PLEKHG1: variants seen among roughly 807,000 people sequenced by gnomAD.
PLEKHG1 encodes the protein pleckstrin homology domain-containing family G member 1.
A neutral mutation model predicts 100.8 loss-of-function variants in PLEKHG1; 44 were observed. The ratio of observed to expected loss-of-function variants is 0.44; its 90% CI spans 0.34 to 0.56. The LOEUF (loss-of-function observed/expected upper bound fraction) is 0.56, where lower values mean the gene tolerates loss of function less well. Among genes scored for constraint, PLEKHG1 ranks in the 20% least tolerant of loss-of-function variants. The pLI is 0.01. For synonymous variants in PLEKHG1, 640 were observed against 662.5 expected (o/e 0.97, Z 0.52); for missense variants, 1,545 against 1,720.9 (o/e 0.90, Z 1.81).
chr6:150,637,486 A>G (rs1031560967), intron 1 of PLEKHG1, among the ~76,000 whole-genome samples: 2 of 151,972 alleles, frequency 1.3e-5, no homozygotes, highest in Non-Finnish European at 2.9e-5. Context: ...TTTGATGTAT[A>G]ATATGCATAG....
intron 3 of PLEKHG1, among the ~76,000 whole-genome samples, chr6:150,651,629 T>C (rs796725738): frequency 6.6e-6 from 1 of 151,390 alleles, no homozygotes; most frequent in Non-Finnish European, 1.5e-5. Context: ...GAGGCCAAGG[T>C]GGGCAGATCA....
intron 1 of PLEKHG1, among the ~76,000 whole-genome samples, chr6:150,627,531 T>C (rs1488105367): frequency 6.6e-6 from 1 of 152,096 alleles, no homozygotes; most frequent in Admixed American, 6.5e-5. Flanking sequence ...AACACCAACA[T>C]CATTTTTGAG....
upstream of PLEKHG1, among the ~76,000 whole-genome samples, chr6:150,717,002 C>T (rs1781470595): frequency 6.6e-6 from 1 of 151,932 alleles, no homozygotes; most frequent in Non-Finnish European, 1.5e-5. Context: ...TGGACATACA[C>T]CACCCTGCCC....
At chr6:150,620,311 TGACAGC>T (rs1777245040) in intron 1 of PLEKHG1, among the ~76,000 whole-genome samples, 1 of 152,200 alleles carries the variant, frequency 6.6e-6, no homozygotes, top group Non-Finnish European at 1.5e-5. Flanking sequence ...CTGGGAGGCC[TGACAGC>T]GTTTCTCTCC....
chr6:150,833,752 T>A (rs1271609457), intron 15 of PLEKHG1, among the ~76,000 whole-genome samples: 1 of 152,182 alleles, frequency 6.6e-6, no homozygotes, highest in Admixed American at 6.5e-5. Context: ...TGCCCCAGAT[T>A]TTCTAACCAA....
intron 11 of PLEKHG1, among the ~76,000 whole-genome samples, chr6:150,819,210 G>A (rs1776159982): frequency 6.6e-6 from 1 of 150,406 alleles, no homozygotes; most frequent in South Asian, 2.1e-4. Context: ...AAAAAGCCCT[G>A]AGATACATAT....
chr6:150,771,207 G>T (rs1433198163), intron 3 of PLEKHG1, among the ~76,000 whole-genome samples: 1 of 152,184 alleles, frequency 6.6e-6, no homozygotes, highest in Non-Finnish European at 1.5e-5. Context: ...GAGGTCAGGA[G>T]TTCAAGACCA....
At chr6:150,661,965 G>T (rs542741603) in intron 3 of PLEKHG1, among the ~76,000 whole-genome samples, 1 of 152,254 alleles carries the variant, frequency 6.6e-6, no homozygotes, top group African/African-American at 2.4e-5. Context: ...AAACAATAAG[G>T]TAGAGGCCAG....
At chr6:150,643,558 T>C (rs968131199) in intron 2 of PLEKHG1, among the ~76,000 whole-genome samples, 2 of 152,148 alleles carry the variant, frequency 1.3e-5, no homozygotes, top group Non-Finnish European at 2.9e-5. Context: ...CTAGATTGGG[T>C]GGGGAGAACC....
At chr6:150,832,555 TAGG>T (rs1347098616) in intron 15 of PLEKHG1, among the ~76,000 whole-genome samples, 7 of 152,282 alleles carry the variant, frequency 4.6e-5, no homozygotes, top group Non-Finnish European at 8.8e-5. Context: ...AGTAATTTTT[TAGG>T]AGGAGGAGGA....
chr6:150,653,601 C>T (rs1778840140), intron 3 of PLEKHG1, among the ~76,000 whole-genome samples: 1 of 151,958 alleles, frequency 6.6e-6, no homozygotes, highest in Non-Finnish European at 1.5e-5. Context: ...AAATACAAAA[C>T]TCAGCTGGAC....
intron 3 of PLEKHG1, among the ~76,000 whole-genome samples, chr6:150,784,979 C>T (rs993957852): frequency 8.6e-5 from 13 of 151,132 alleles, no homozygotes; most frequent in African/African-American, 2.7e-4. Context: ...AGAAAGATCA[C>T]TTGAGCCCAG....
At chr6:150,809,945 T>C (rs782661) in intron 10 of PLEKHG1, among the ~76,000 whole-genome samples, 39,684 of 150,174 alleles carry the variant, frequency 0.26, 5,449 homozygotes, top group Middle Eastern at 0.37. Context: ...ACGGTTAATC[T>C]GATCATTTAA....
intron 12 of PLEKHG1, among the ~76,000 whole-genome samples, chr6:150,820,760 G>T (rs1201959290): frequency 6.6e-6 from 1 of 152,092 alleles, no homozygotes; most frequent in African/African-American, 2.4e-5. Context: ...AGCTACTCGG[G>T]AGGCTGAGGC....
chr6:150,842,554 C>T (rs1419098443), exon 16 of PLEKHG1: 1 of 152,140 alleles, frequency 6.6e-6, no homozygotes, highest in Non-Finnish European at 1.5e-5. Flanking sequence ...CTTGCTTCTC[C>T]AAAGTATTCT....
chr6:150,747,335 A>G (rs907492332), intron 2 of PLEKHG1, among the ~76,000 whole-genome samples: 4 of 152,246 alleles, frequency 2.6e-5, no homozygotes, highest in Non-Finnish European at 4.4e-5. Flanking sequence ...GGGTCACGTG[A>G]TAAGCCGAGA....
At chr6:150,825,573 T>G (rs1168002064) in intron 14 of PLEKHG1, among the ~76,000 whole-genome samples, 4 of 151,928 alleles carry the variant, frequency 2.6e-5, no homozygotes, top group African/African-American at 4.8e-5. Flanking sequence ...TTCTGTCTCA[T>G]AAATAAATTA....
intron 3 of PLEKHG1, among the ~76,000 whole-genome samples, chr6:150,713,103 C>T (rs1412812195): frequency 1.3e-5 from 2 of 151,998 alleles, no homozygotes; most frequent in East Asian, 1.9e-4. Context: ...TACATGAGGG[C>T]GAGTAAGAGG....
intron 1 of PLEKHG1, among the ~76,000 whole-genome samples, chr6:150,623,403 A>G (rs376808414): frequency 5.9e-5 from 9 of 152,350 alleles, no homozygotes; most frequent in South Asian, 2.1e-4. Flanking sequence ...ACGGGCAAGC[A>G]CATCACGCAA....
Sources: gnomAD v4.1 joint callset for allele counts (sites outside exome capture counted in the v4.1 genomes callset) on GRCh38, gnomAD v4.1.1 for gene constraint, MANE v1.5 for transcripts, NCBI Gene and HGNC (gene_info 2026-07-23, HGNC 2026-07-21) for gene names.